The following DNER variants were observed in gnomAD, a reference collection of about 807,000 sequenced individuals.
DNER encodes delta/notch like EGF repeat containing.
DNER carries 33 observed loss-of-function variants against 78.2 expected under a neutral mutation model. That is an observed-to-expected ratio of 0.42 (90% confidence interval 0.32 to 0.56). DNER has a LOEUF of 0.56. Among genes scored for constraint, DNER ranks in the 20% least tolerant of loss-of-function variants. DNER has a pLI of 0.11. For missense variants in DNER, 918 were observed against 975.3 expected (o/e 0.94, Z 0.78); for synonymous variants, 417 against 384.8 (o/e 1.08, Z -0.98).
intron 7 of DNER, among the ~76,000 whole-genome samples, chr2:229,459,933 G>C (rs903440747): frequency 6.6e-6 from 1 of 151,696 alleles, no homozygotes; most frequent in Non-Finnish European, 1.5e-5. Flanking sequence ...CGAAGCGGGT[G>C]GATCACAAGG....
At chr2:229,539,711 T>C (rs1696476140) in intron 5 of DNER, among the ~76,000 whole-genome samples, 2 of 152,206 alleles carry the variant, frequency 1.3e-5, no homozygotes, top group South Asian at 4.1e-4. Flanking sequence ...ATGCTAGTTG[T>C]TACGACAGTT....
Position 229,588,476 on chromosome 2 carries a change from T to C in DNER, c.598A>G (p.Ile200Val). 6.3e-7 allele frequency: 1 copy of C among 1,598,668 alleles called. No individual in the cohort carries two copies. The highest frequency in any genetic ancestry group is 8.5e-7 in the Non-Finnish European group (1 of 1,175,964). ...KWDQVEVIPD[I>V]ACGNASSNSS... is the part of the protein sequence containing the mutation. ...TTAGAACTGGCATTCCCACAGGCAA[T>C]ATCTGGGATCACCTGGGAAGGGAAA... The change falls in exon 3 of 13, where the codon ATT becomes GTT. Residue 200 changes from isoleucine (I) to valine (V), a missense_variant. By Grantham distance (29) the Ile-to-Val change is conservative. Coordinates refer to ENST00000341772, the MANE Select transcript of DNER (RefSeq NM_139072.4).
intron 6 of DNER, among the ~76,000 whole-genome samples, chr2:229,492,247 G>A (rs1184032942): frequency 2.6e-5 from 4 of 152,166 alleles, no homozygotes; most frequent in Non-Finnish European, 5.9e-5. Flanking sequence ...AGTTAAGAAA[G>A]GTTAGGAGGA....
chr2:229,714,283 C>T lies in DNER; in HGVS notation c.141G>A (p.Pro47=), dbSNP rs1407711348. ...CATTCCGGCAGGGCTGCGCGGCGCA[C>T]GGCCCGGGCGCAGACAGGGGCGCGG... ...VPAAPLSAPG[P]CAAQPCRNGG... Residue 47 remains proline, a synonymous_variant, in exon 1 of 13, where the codon CCG becomes CCA. Coordinates refer to ENST00000341772, the MANE Select transcript of DNER (RefSeq NM_139072.4). The T allele has an allele frequency of 1.4e-5, 19 of 1,365,488 alleles. No individual in the cohort carries two copies. The highest frequency in any genetic ancestry group is 1.8e-5 in the Non-Finnish European group (19 of 1,060,054). The allele number at this position is 1,365,488 out of a possible 1,614,324, so 84.6% of individuals were successfully genotyped here.
At chr2:229,471,544 C>T (rs1441186512) in intron 7 of DNER, among the ~76,000 whole-genome samples, 1 of 151,870 alleles carries the variant, frequency 6.6e-6, no homozygotes, top group African/African-American at 2.4e-5. Context: ...AGCTTTTAAA[C>T]TGATATATTT....
chr2:229,688,346 A>G (rs763022034), intron 1 of DNER, among the ~76,000 whole-genome samples: 5 of 152,238 alleles, frequency 3.3e-5, no homozygotes, highest in Non-Finnish European at 7.3e-5. Context: ...TTGCAGCCTC[A>G]GCAACATTGA....
intron 7 of DNER, among the ~76,000 whole-genome samples, chr2:229,471,859 G>A (rs1267039875): frequency 6.6e-6 from 1 of 152,124 alleles, no homozygotes; most frequent in African/African-American, 2.4e-5. Flanking sequence ...GGTAGGTCCG[G>A]ATTTCAAACC....
Position 229,656,985 on chromosome 2 carries a change from C to CGTGTGTGTGTGTGTGTGTGT in DNER, c.276+57143_276+57162dup, listed in dbSNP as rs1417445603. Among the ~76,000 whole-genome samples the CGTGTGTGTGTGTGTGTGTGT allele has an allele frequency of 5.3e-4, 79 of 148,830 alleles. 1 individual carries two copies. The highest frequency in any genetic ancestry group is 1.5e-3 in the African/African-American group (60 of 40,548). On this transcript the variant is annotated intron_variant, in intron 1 of 12. Coordinates refer to ENST00000341772, the MANE Select transcript of DNER (RefSeq NM_139072.4). ...CAAGACCATCACATCACAGTTACCACGTGTGTGTGTGTGTGTGTGTGTGTG... is the reference window on the plus strand; with the variant it reads ...CAAGACCATCACATCACAGTTACCACGTGTGTGTGTGTGTGTGTGTGTGTGTGTGTGTGTGTGTGTGTGTG...
intron 4 of DNER, among the ~76,000 whole-genome samples, chr2:229,547,978 G>A (rs921226498): frequency 2.0e-5 from 3 of 152,194 alleles, no homozygotes; most frequent in South Asian, 2.1e-4. Context: ...ACATTCATTT[G>A]TATCTAATTT....
At chr2:229,434,051 A>G (rs1408794903) in intron 8 of DNER, among the ~76,000 whole-genome samples, 1 of 152,252 alleles carries the variant, frequency 6.6e-6, no homozygotes, top group Non-Finnish European at 1.5e-5. Context: ...TTCCAATTAT[A>G]TATCAGAGGT....
intron 11 of DNER, among the ~76,000 whole-genome samples, chr2:229,378,624 C>G (rs1462563084): frequency 6.6e-6 from 1 of 152,214 alleles, no homozygotes; most frequent in Non-Finnish European, 1.5e-5. Flanking sequence ...CCATGGTTCT[C>G]TGTGTACATC....
At chr2:229,506,340 T>C (rs1695745611) in intron 6 of DNER, among the ~76,000 whole-genome samples, 1 of 152,036 alleles carries the variant, frequency 6.6e-6, no homozygotes, top group Admixed American at 6.6e-5. Context: ...AAGGACAACA[T>C]GGGGGAAACT....
intron 1 of DNER, among the ~76,000 whole-genome samples, chr2:229,602,910 G>A (rs576052325): frequency 6.6e-6 from 1 of 152,268 alleles, no homozygotes; most frequent in African/African-American, 2.4e-5. Flanking sequence ...AATGGCCCAC[G>A]ATAGCACAGA....
chr2:229,521,687 G>A (rs1696101572), intron 5 of DNER, among the ~76,000 whole-genome samples: 1 of 152,146 alleles, frequency 6.6e-6, no homozygotes, highest in Non-Finnish European at 1.5e-5. Flanking sequence ...GGACTATGTG[G>A]ATGTAAAATT....
At chr2:229,456,372 G>A (rs1694573579) in intron 7 of DNER, among the ~76,000 whole-genome samples, 1 of 151,554 alleles carries the variant, frequency 6.6e-6, no homozygotes, top group Non-Finnish European at 1.5e-5. Context: ...CCAACACTGG[G>A]AATTACGTTT....
At chr2:229,610,118 G>T (rs907233807) in intron 1 of DNER, among the ~76,000 whole-genome samples, 62 of 152,282 alleles carry the variant, frequency 4.1e-4, no homozygotes, top group African/African-American at 1.5e-3. Context: ...GGTACCATTT[G>T]TTTTGACGAT....
intron 6 of DNER, among the ~76,000 whole-genome samples, chr2:229,479,176 T>C (rs1190503016): frequency 6.6e-6 from 1 of 152,180 alleles, no homozygotes; most frequent in Non-Finnish European, 1.5e-5. Context: ...TAGTATTCCA[T>C]GGAGAACCAC....
At chr2:229,393,592 A>C (rs1693065814) in intron 10 of DNER, among the ~76,000 whole-genome samples, 1 of 152,178 alleles carries the variant, frequency 6.6e-6, no homozygotes, top group Non-Finnish European at 1.5e-5. Context: ...TCACACCTGT[A>C]ATCCCAGCAC....
At chr2:229,644,334 CTTTTTTTTTTTTT>C (rs5839345) in intron 1 of DNER, among the ~76,000 whole-genome samples, 9 of 97,506 alleles carry the variant, frequency 9.2e-5, no homozygotes, top group Non-Finnish European at 1.4e-4. Flanking sequence ...CTTGCTTTCT[CTTTTTTTTTTTTT>C]TTTTTTTTTT....
Sources: gnomAD v4.1 joint callset for allele counts (sites outside exome capture counted in the v4.1 genomes callset) on GRCh38, gnomAD v4.1.1 for gene constraint, MANE v1.5 for transcripts, NCBI Gene and HGNC (gene_info 2026-07-23, HGNC 2026-07-21) for gene names.